The following GNAQ variants were observed in gnomAD, a reference collection of about 807,000 sequenced individuals.
GNAQ encodes G protein subunit alpha q, also known as guanine nucleotide-binding protein G(q) subunit alpha.
Under a neutral mutation model 43.9 loss-of-function variants are expected in GNAQ, and 8 were observed. That is an observed-to-expected ratio of 0.18 (90% confidence interval 0.11 to 0.33). The LOEUF is 0.33. Among genes scored for constraint, GNAQ ranks in the 10% least tolerant of loss-of-function variants. GNAQ has a pLI of 1.00. For missense variants in GNAQ, 158 were observed against 450.8 expected (o/e 0.35, Z 5.88); for synonymous variants, 155 against 170.7 (o/e 0.91, Z 0.71).
intron 3 of GNAQ, among the ~76,000 whole-genome samples, chr9:77,807,366 T>C (rs1360333165): frequency 6.6e-6 from 1 of 152,218 alleles, no homozygotes; most frequent in Non-Finnish European, 1.5e-5. Context: ...CTTCAATTGA[T>C]TGCTAAATCC....
rs145868615 is a variant in GNAQ, at chr9:78,026,320, G to A, written c.136+4780C>T. Among the ~76,000 whole-genome samples the A allele has an allele frequency of 3.6e-3, 541 of 152,202 alleles. 2 individuals are homozygous for A. The highest frequency in any genetic ancestry group is 0.012 in the African/African-American group (508 of 41,546). ...TAGTTCAATGCAAAAAACTTATTCC[G>A]AAGGCTTTGTTATACAGTCAGAGCC... On this transcript the variant is annotated intron_variant, in intron 1 of 6. Coordinates refer to ENST00000286548, the MANE Select transcript of GNAQ (RefSeq NM_002072.5).
intron 5 of GNAQ, among the ~76,000 whole-genome samples, chr9:77,730,337 C>A (rs1293034441): frequency 6.6e-6 from 1 of 152,194 alleles, no homozygotes. Context: ...CGGTAGGATG[C>A]TCCTGGAATT....
intron 2 of GNAQ, among the ~76,000 whole-genome samples, chr9:77,828,566 G>C (rs1827243974): frequency 6.6e-6 from 1 of 152,146 alleles, no homozygotes; most frequent in Non-Finnish European, 1.5e-5. Flanking sequence ...ATCATGTTTT[G>C]TACATAAAGA....
At position 77,913,532 on chromosome 9, in the gene GNAQ, C is replaced by T. The variant is rs761165877; in HGVS notation, c.321+8629G>A. On this transcript the variant is annotated intron_variant, in intron 2 of 6. Coordinates refer to ENST00000286548, the MANE Select transcript of GNAQ (RefSeq NM_002072.5). Reference sequence around the variant, plus strand: ...GAGATAGAAAGCATTTTTATCACCACAGAAAGTTCTGTGAGGCACTGCTAT... The same window carrying T: ...GAGATAGAAAGCATTTTTATCACCATAGAAAGTTCTGTGAGGCACTGCTAT... Among the ~76,000 whole-genome samples, 56 of 152,086 alleles carry T rather than the reference C, an allele frequency of 3.7e-4. 2 individuals are homozygous for T. Among genetic ancestry groups the T allele is most frequent in the African/African-American group, 2.9e-4 (12 of 41,400 alleles).
At chr9:77,857,542 AAGGGAGGG>A (rs529068046) in intron 2 of GNAQ, among the ~76,000 whole-genome samples, 1 of 138,528 alleles carries the variant, frequency 7.2e-6, no homozygotes, top group Non-Finnish European at 1.6e-5. Flanking sequence ...GGGAAGAAGG[AAGGGAGGG>A]AGGGAGGGAA....
At chr9:78,002,142 A>G (rs780918291) in intron 1 of GNAQ, among the ~76,000 whole-genome samples, 2 of 152,152 alleles carry the variant, frequency 1.3e-5, no homozygotes, top group Admixed American at 6.6e-5. Context: ...ATTCCACATA[A>G]TATTATTCAG....
chr9:77,946,902 G>A (rs1286389825), intron 1 of GNAQ, among the ~76,000 whole-genome samples: 1 of 152,198 alleles, frequency 6.6e-6, no homozygotes, highest in African/African-American at 2.4e-5. Context: ...TACAGGTAGA[G>A]CCCTTAGCAA....
chr9:77,868,177 A>G (rs1827979086), intron 2 of GNAQ, among the ~76,000 whole-genome samples: 1 of 152,228 alleles, frequency 6.6e-6, no homozygotes, highest in South Asian at 2.1e-4. Context: ...TGTGTATCCT[A>G]AACAACAGAC....
At chr9:77,854,903 T>C (rs1360181909) in intron 2 of GNAQ, among the ~76,000 whole-genome samples, 2 of 152,216 alleles carry the variant, frequency 1.3e-5, no homozygotes, top group Admixed American at 6.5e-5. Context: ...AAAAGTTTAA[T>C]TGAAAAAAGC....
intron 1 of GNAQ, among the ~76,000 whole-genome samples, chr9:77,928,269 G>A (rs542905061): frequency 3.9e-5 from 6 of 152,236 alleles, no homozygotes; most frequent in South Asian, 2.1e-4. Flanking sequence ...ATAACTTCCC[G>A]TCTTTTCATG....
rs4745682 is a variant in GNAQ at position 77,977,434 on chromosome 9, C to A, written c.136+53666G>T. Among the ~76,000 whole-genome samples the A allele has an allele frequency of 1.3e-3, 200 of 152,100 alleles. 4 individuals are homozygous for A. The highest frequency in any genetic ancestry group is 0.012 in the Admixed American group (178 of 15,280). ...CTATCCACACTTCCCAAGGTCAAAA[C>A]AAAATTGAGCTCCCTCTTGAAAAAA... On this transcript the variant is annotated intron_variant, in intron 1 of 6. Coordinates refer to ENST00000286548, the MANE Select transcript of GNAQ (RefSeq NM_002072.5).
intron 1 of GNAQ, among the ~76,000 whole-genome samples, chr9:78,009,926 C>T (rs1021071423): frequency 2.0e-5 from 3 of 152,172 alleles, no homozygotes; most frequent in African/African-American, 7.2e-5. Context: ...CAGTGCAATG[C>T]TGTATCAAGA....
chr9:77,828,760 G>C (rs1461017963), intron 2 of GNAQ, among the ~76,000 whole-genome samples: 1 of 152,272 alleles, frequency 6.6e-6, no homozygotes, highest in East Asian at 1.9e-4. Flanking sequence ...GACCAGTACA[G>C]GACAGAAAAA....
rs892263112 is a variant in GNAQ at position 77,940,750 on chromosome 9, G to A, written c.137-18405C>T. Among the ~76,000 whole-genome samples the A allele has an allele frequency of 1.4e-4, 22 of 152,162 alleles. No homozygotes were observed. The East Asian group carries it at 3.9e-3, about 27-fold the overall frequency. On this transcript the variant is annotated intron_variant, in intron 1 of 6. Coordinates refer to ENST00000286548, the MANE Select transcript of GNAQ (RefSeq NM_002072.5). ...TGGGAGGCCGAGGCAGGCGGATCAC[G>A]AGGTCAGGAGATCGAGACCATCCTG...
intron 5 of GNAQ, among the ~76,000 whole-genome samples, chr9:77,745,402 G>A (rs1394943663): frequency 6.6e-6 from 1 of 152,036 alleles, no homozygotes; most frequent in African/African-American, 2.4e-5. Flanking sequence ...CAGTGAGTAG[G>A]GAAGGGGAAG....
At chr9:77,723,621 A>G (rs1825353307) in intron 6 of GNAQ, among the ~76,000 whole-genome samples, 1 of 152,268 alleles carries the variant, frequency 6.6e-6, no homozygotes, top group Non-Finnish European at 1.5e-5. Context: ...AAAAGAGTAA[A>G]GCTCTGACAG....
rs193070123 is a variant in GNAQ at position 78,019,642 on chromosome 9, G to A, written c.136+11458C>T. The stretch of plus-strand genomic sequence containing the variant: ...AATTAGAGACTTTAGGAACCTTTAG[G>A]CCAGGTGCGGTGGCTCAAGCCTATA... On this transcript the variant is annotated intron_variant, in intron 1 of 6. Transcript: ENST00000286548. 1.1e-4 allele frequency among the ~76,000 whole-genome samples: 17 copies of A among 152,116 alleles called. 1 individual carries two copies. Among genetic ancestry groups the A allele is most frequent in the Admixed American group, 9.8e-4 (15 of 15,292 alleles).
Position 77,922,081 on chromosome 9 carries a change from C to G in GNAQ, c.321+80G>C, listed in dbSNP as rs1829006250. The G allele has an allele frequency of 4.3e-6, 4 of 926,878 alleles. No individual in the cohort carries two copies. The South Asian group carries it at 6.2e-5, about 14-fold the overall frequency. The allele number at this position is 926,878 out of a possible 1,614,324, so 57.4% of individuals were successfully genotyped here. A position where few individuals can be genotyped will look rare whatever the true frequency, so the allele number is the denominator to read the frequency against. ...ACCCCCCTATGCACTCCAGACATGT[C>G]AAGAGGCTACTCGTGTTGTCACATT... is the stretch of plus-strand genomic sequence containing the variant. On this transcript the variant is annotated intron_variant, in intron 2 of 6. Transcript: ENST00000286548.
chr9:77,999,290 T>C (rs994632659), intron 1 of GNAQ, among the ~76,000 whole-genome samples: 1 of 152,058 alleles, frequency 6.6e-6, no homozygotes, highest in Non-Finnish European at 1.5e-5. Flanking sequence ...ATTTACTCCA[T>C]CCGGGAAGTT....
Sources: gnomAD v4.1 joint callset for allele counts (sites outside exome capture counted in the v4.1 genomes callset) on GRCh38, gnomAD v4.1.1 for gene constraint, MANE v1.5 for transcripts, NCBI Gene and HGNC (gene_info 2026-07-23, HGNC 2026-07-21) for gene names.